The following SORCS1 variants were observed in gnomAD, a reference collection of about 807,000 sequenced individuals.
The protein encoded by SORCS1 is sortilin related VPS10 domain containing receptor 1, also known as VPS10 domain-containing receptor SorCS1.
Under a neutral mutation model 146.1 loss-of-function variants are expected in SORCS1, and 60 were observed. That is an observed-to-expected ratio of 0.41 (90% CI 0.33 to 0.51). The LOEUF (loss-of-function observed/expected upper bound fraction) is 0.51, where lower values mean the gene tolerates loss of function less well. SORCS1 is among the 20% of genes least tolerant of loss of function. The pLI is 0.21. For missense variants in SORCS1, 1,352 were observed against 1,487.6 expected, an observed-to-expected ratio of 0.91 and a Z score of 1.50; for synonymous variants, 637 against 584.0, an observed-to-expected ratio of 1.09 and a Z score of -1.31.
Position 106,606,648 on chromosome 10 carries a change from G to A in SORCS1, c.3165+518C>T, listed in dbSNP as rs932926755. Among the ~76,000 whole-genome samples, 18 of 151,988 alleles carry A rather than the reference G, an allele frequency of 1.2e-4. 1 individual carries two copies. The highest frequency in any genetic ancestry group is 4.1e-4 in the South Asian group (2 of 4,822). On this transcript the variant is annotated intron_variant, in intron 23 of 25. Transcript: ENST00000263054. ...ATTCCACACTGTAAATAATTTAGCC[G>A]TTCCCTGCTGATATGGTTTGGCTGT...
At chr10:107,145,484 C>G (rs1227257853) in intron 1 of SORCS1, among the ~76,000 whole-genome samples, 6 of 152,114 alleles carry the variant, frequency 3.9e-5, no homozygotes, top group Non-Finnish European at 5.9e-5. Flanking sequence ...AAAGTCTGTC[C>G]TACTCTAAAT....
In SORCS1 at chr10:107,152,162, A is replaced by G. The variant is rs189581451; in HGVS notation, c.558+11807T>C. 1.4e-3 allele frequency among the ~76,000 whole-genome samples: 213 copies of G among 152,310 alleles called. 1 individual carries two copies. Among genetic ancestry groups the G allele is most frequent in the African/African-American group, 5.0e-3 (208 of 41,566 alleles). ...CAAACCCTAAGCCTTGGCAGCTTTC[A>G]CATGGTGTTAGCCCTGTGGGTGTGC... On this transcript the variant is annotated intron_variant, in intron 1 of 25. Coordinates refer to ENST00000263054, the MANE Select transcript of SORCS1 (RefSeq NM_052918.5).
chr10:106,629,111 T>C, intron 19 of SORCS1, 91 bp downstream of exon 19: 3 of 1,146,396 alleles, frequency 2.6e-6, no homozygotes, highest in Non-Finnish European at 3.7e-6. Flanking sequence ...AGATAACTAG[T>C]GTACTTCTTC....
At chr10:106,925,259 G>A (rs948094098) in intron 2 of SORCS1, among the ~76,000 whole-genome samples, 1 of 151,926 alleles carries the variant, frequency 6.6e-6, no homozygotes, top group Non-Finnish European at 1.5e-5. Flanking sequence ...AGAGGCCAGA[G>A]CAGCCTCAGA....
Position 106,574,805 on chromosome 10 carries a change from A to C in SORCS1, c.*2615T>G, listed in dbSNP as rs1199639949. ...GCCTCACTAATCTCCTACAGATGGGAGGGAGCTTTGAGGAGAGGCACATGA... is the reference window on the plus strand; with the variant it reads ...GCCTCACTAATCTCCTACAGATGGGCGGGAGCTTTGAGGAGAGGCACATGA... On this transcript the variant is annotated 3_prime_UTR_variant, in exon 26 of 26. Transcript: ENST00000263054. The C allele has an allele frequency of 6.6e-6, 1 of 152,408 alleles. No homozygotes were observed. The highest frequency in any genetic ancestry group is 2.4e-5 in the African/African-American group (1 of 41,414). 9.4% of individuals were successfully genotyped at this position (152,408 alleles called of 1,614,324 possible).
At chr10:106,750,760 A>AAAAAAAAAAAAAAAAAAAAAG (rs1858124710) in intron 5 of SORCS1, among the ~76,000 whole-genome samples, 1 of 109,566 alleles carries the variant, frequency 9.1e-6, no homozygotes, top group Non-Finnish European at 2.0e-5. Flanking sequence ...AAAAAAAAAA[A>AAAAAAAAAAAAAAAAAAAAAG]AGAAAAGAAA....
chr10:106,776,873 T>C (rs1217056313), intron 3 of SORCS1, among the ~76,000 whole-genome samples, 181 bp from the exon 4 acceptor site: 1 of 152,196 alleles, frequency 6.6e-6, no homozygotes. Flanking sequence ...GCTACAGAAA[T>C]ATTTCTACAA....
At chr10:107,014,780 T>C (rs1262732390) in intron 1 of SORCS1, among the ~76,000 whole-genome samples, 2 of 152,240 alleles carry the variant, frequency 1.3e-5, no homozygotes, top group Non-Finnish European at 2.9e-5. Context: ...AAAAAAGTTT[T>C]ACTTTTTTAA....
chr10:107,031,374 C>T (rs1357075137), intron 1 of SORCS1, among the ~76,000 whole-genome samples: 2 of 151,948 alleles, frequency 1.3e-5, no homozygotes, highest in Non-Finnish European at 1.5e-5. Flanking sequence ...CAATAATCAC[C>T]AAATTAGCAA....
chr10:107,037,963 A>G (rs1349404004), intron 1 of SORCS1, among the ~76,000 whole-genome samples: 1 of 152,278 alleles, frequency 6.6e-6, no homozygotes, highest in African/African-American at 2.4e-5. Context: ...AGTAGCTGGG[A>G]TTACAGGCGT....
At chr10:107,050,101 C>A (rs1349756342) in intron 1 of SORCS1, among the ~76,000 whole-genome samples, 1 of 152,158 alleles carries the variant, frequency 6.6e-6, no homozygotes, top group Non-Finnish European at 1.5e-5. Flanking sequence ...CAGCCAAAAA[C>A]CTTAACCCTT....
intron 15 of SORCS1, among the ~76,000 whole-genome samples, chr10:106,671,654 C>G (rs1019729814): frequency 6.6e-6 from 1 of 152,198 alleles, no homozygotes; most frequent in Non-Finnish European, 1.5e-5. Flanking sequence ...CTATGAAGGA[C>G]ACACAGACTC....
At position 106,653,297 on chromosome 10, in the gene SORCS1, G is replaced by A. The variant is rs142428429; in HGVS notation, c.2304-744C>T. 1.2e-3 allele frequency among the ~76,000 whole-genome samples: 182 copies of A among 152,218 alleles called. 2 individuals carry two copies. In the East Asian group the frequency reaches 0.024, roughly 20 times the overall value. ...ACCTTTAAGATTTTTGAGGTTCAGC[G>A]TTATCTAGCCATTATCGTTTTATAC... On this transcript the variant is annotated intron_variant, in intron 17 of 25. Transcript: ENST00000263054.
chr10:107,066,834 T>C (rs1386335121), intron 1 of SORCS1, among the ~76,000 whole-genome samples: 1 of 152,192 alleles, frequency 6.6e-6, no homozygotes, highest in Non-Finnish European at 1.5e-5. Context: ...TGACTTGTCA[T>C]CTTGGGATAT....
At chr10:106,599,635 TG>T (rs112483781) in intron 23 of SORCS1, among the ~76,000 whole-genome samples, 5,968 of 152,214 alleles carry the variant, frequency 0.039, 160 homozygotes, top group African/African-American at 0.072. Flanking sequence ...ATGAAAGACT[TG>T]GTCAAAAGTA....
chr10:107,041,133 G>A lies in SORCS1; in HGVS notation c.559-84553C>T, dbSNP rs563945803. Among the ~76,000 whole-genome samples, 3 of 152,180 alleles carry A rather than the reference G, an allele frequency of 2.0e-5. No homozygotes were observed. In the South Asian group the frequency reaches 6.2e-4, roughly 32 times the overall value. Reference sequence around the variant, plus strand: ...AAGATGTATTATTGCTAAGCAGGAAGAAAAATGCAAGTTCAGAACAAATGT... The same window carrying A: ...AAGATGTATTATTGCTAAGCAGGAAAAAAAATGCAAGTTCAGAACAAATGT... On this transcript the variant is annotated intron_variant, in intron 1 of 25. Transcript: ENST00000263054.
chr10:106,791,667 C>G (rs1201577467), intron 3 of SORCS1, among the ~76,000 whole-genome samples: 2 of 152,054 alleles, frequency 1.3e-5, no homozygotes, highest in African/African-American at 4.8e-5. Context: ...CCACTGCACT[C>G]CAGCCTGGCG....
chr10:107,025,172 T>C (rs1385313021), intron 1 of SORCS1, among the ~76,000 whole-genome samples: 1 of 152,164 alleles, frequency 6.6e-6, no homozygotes, highest in East Asian at 1.9e-4. Context: ...GCTTAGGTAG[T>C]AAAAAGTACT....
intron 1 of SORCS1, among the ~76,000 whole-genome samples, chr10:107,010,085 C>T (rs904558410): frequency 2.0e-5 from 3 of 152,168 alleles, no homozygotes; most frequent in Admixed American, 1.3e-4. Flanking sequence ...CTGCATCAAA[C>T]GTATTTCTAA....
Sources: allele counts gnomAD v4.1 joint callset (sites outside exome capture counted in the v4.1 genomes callset), GRCh38; gene constraint gnomAD v4.1.1; transcripts MANE v1.5; gene names NCBI Gene and HGNC (gene_info 2026-07-23, HGNC 2026-07-21).